The following CFAP299 variants were observed in gnomAD, a reference collection of about 807,000 sequenced individuals.
The protein encoded by CFAP299 is cilia- and flagella-associated protein 299.
CFAP299 carries 21 observed loss-of-function variants against 27.0 expected under a neutral mutation model. That is an observed-to-expected ratio of 0.78 (90% CI 0.55 to 1.12). The LOEUF is 1.12. Ranked by LOEUF, CFAP299 falls within the 50% of genes most tolerant of loss-of-function variation. The pLI is 0.00. For synonymous variants in CFAP299, 104 were observed against 98.1 expected (o/e 1.06, Z -0.36); for missense variants, 310 against 276.6 (o/e 1.12, Z -0.86).
rs750144147 is a variant in CFAP299, at chr4:80,508,910, G to C, written c.243-74183G>C. ...AACACAGCTCTCCAGACACCAGAAC[G>C]GGCCAAATGACAGACTGCCAACAGA... is the stretch of plus-strand genomic sequence containing the variant. On this transcript the variant is annotated intron_variant, in intron 2 of 5. Transcript: ENST00000358105. Among the ~76,000 whole-genome samples the C allele has an allele frequency of 3.9e-5, 6 of 152,092 alleles. No homozygotes were observed. In the South Asian group the frequency reaches 1.2e-3, roughly 32 times the overall value.
chr4:80,545,034 A>C (rs376878635), intron 2 of CFAP299, among the ~76,000 whole-genome samples: 22 of 152,236 alleles, frequency 1.4e-4, no homozygotes, highest in Admixed American at 2.6e-4. Context: ...CAATGCAATA[A>C]AAGTAGAAAT....
At chr4:80,392,199 A>G (rs1427733723) in intron 2 of CFAP299, among the ~76,000 whole-genome samples, 1 of 152,150 alleles carries the variant, frequency 6.6e-6, no homozygotes, top group African/African-American at 2.4e-5. Flanking sequence ...CTAACTTGCT[A>G]TTGATTTTAC....
intron 3 of CFAP299, among the ~76,000 whole-genome samples, chr4:80,843,479 T>C (rs1221733281): frequency 6.6e-6 from 1 of 152,144 alleles, no homozygotes; most frequent in African/African-American, 2.4e-5. Flanking sequence ...CAGTCTATCA[T>C]TGTTGGACAT....
intron 3 of CFAP299, among the ~76,000 whole-genome samples, chr4:80,627,804 G>A (rs1466006441): frequency 6.6e-6 from 1 of 151,684 alleles, no homozygotes; most frequent in African/African-American, 2.4e-5. Context: ...TACCCTAAAA[G>A]CCATAAAACA....
chr4:80,483,525 A>G (rs1251874334), intron 2 of CFAP299, among the ~76,000 whole-genome samples: 1 of 152,136 alleles, frequency 6.6e-6, no homozygotes, highest in Admixed American at 6.6e-5. Flanking sequence ...TATATCCATA[A>G]TCTTGTATAA....
chr4:80,534,130 A>G (rs1733609903), intron 2 of CFAP299, among the ~76,000 whole-genome samples: 1 of 151,904 alleles, frequency 6.6e-6, no homozygotes, highest in South Asian at 2.1e-4. Context: ...AAAAGTGATT[A>G]TTTCTGGGAG....
chr4:80,365,011 G>A (rs567824216), intron 2 of CFAP299, among the ~76,000 whole-genome samples: 1 of 152,256 alleles, frequency 6.6e-6, no homozygotes, highest in South Asian at 2.1e-4. Context: ...TATCATTGAT[G>A]AGCATTTGGG....
intron 3 of CFAP299, among the ~76,000 whole-genome samples, chr4:80,692,765 C>T (rs560414027): frequency 5.3e-5 from 8 of 152,180 alleles, no homozygotes; most frequent in South Asian, 4.2e-4. Flanking sequence ...AGGCAACCAA[C>T]AAAATGGGAG....
chr4:80,677,353 G>T (rs748441385), intron 3 of CFAP299, among the ~76,000 whole-genome samples: 1 of 151,698 alleles, frequency 6.6e-6, no homozygotes, highest in South Asian at 2.1e-4. Flanking sequence ...ATTTTCTGTT[G>T]TTTCTCCTAC....
At chr4:80,525,552 T>C (rs1244037786) in intron 2 of CFAP299, among the ~76,000 whole-genome samples, 1 of 152,194 alleles carries the variant, frequency 6.6e-6, no homozygotes, top group Non-Finnish European at 1.5e-5. Context: ...TTCCCACTCT[T>C]GTTTAAACTT....
At chr4:80,550,467 T>C (rs141504390) in intron 2 of CFAP299, among the ~76,000 whole-genome samples, 60 of 152,140 alleles carry the variant, frequency 3.9e-4, no homozygotes, top group Non-Finnish European at 7.2e-4. Flanking sequence ...AGACAAATTA[T>C]GCATTTTATA....
intron 3 of CFAP299, among the ~76,000 whole-genome samples, chr4:80,823,071 G>T (rs939317715): frequency 6.6e-6 from 1 of 152,148 alleles, no homozygotes; most frequent in African/African-American, 2.4e-5. Flanking sequence ...ATGACCTGAA[G>T]CTGGAAAAAA....
chr4:80,886,829 T>C (rs932424494), intron 4 of CFAP299, among the ~76,000 whole-genome samples: 4 of 152,076 alleles, frequency 2.6e-5, no homozygotes, highest in Admixed American at 1.3e-4. Context: ...AAATTCAAGA[T>C]AACCCAGAGA....
At chr4:80,745,963 A>G (rs1024290913) in intron 3 of CFAP299, among the ~76,000 whole-genome samples, 1 of 152,052 alleles carries the variant, frequency 6.6e-6, no homozygotes, top group African/African-American at 2.4e-5. Flanking sequence ...ATTCCAAGAA[A>G]TTCAATTTCT....
At chr4:80,844,402 C>A (rs1289776251) in intron 3 of CFAP299, among the ~76,000 whole-genome samples, 3 of 152,164 alleles carry the variant, frequency 2.0e-5, no homozygotes, top group Non-Finnish European at 4.4e-5. Context: ...TTTCCACATC[C>A]TCTCCAGCAC....
chr4:80,656,915 A>T (rs1740585690), intron 3 of CFAP299, among the ~76,000 whole-genome samples: 1 of 152,136 alleles, frequency 6.6e-6, no homozygotes, highest in East Asian at 1.9e-4. Context: ...AATGATCACC[A>T]TTCTAACTAG....
rs191581179 is a variant in CFAP299 at position 80,510,645 on chromosome 4, T to G, written c.243-72448T>G. Among the ~76,000 whole-genome samples the G allele has an allele frequency of 7.9e-5, 12 of 152,314 alleles. 1 individual carries two copies. Among genetic ancestry groups the G allele is most frequent in the Admixed American group, 6.5e-4 (10 of 15,290 alleles). Reference sequence around the variant, plus strand: ...CAGCCTCTGCTTCTAGGTACTCCTGTGTAAGCCAGTCATGAGTTAGTACAG... The same window carrying G: ...CAGCCTCTGCTTCTAGGTACTCCTGGGTAAGCCAGTCATGAGTTAGTACAG... On this transcript the variant is annotated intron_variant, in intron 2 of 5. Transcript: ENST00000358105.
intron 3 of CFAP299, among the ~76,000 whole-genome samples, chr4:80,666,157 T>C (rs1037364297): frequency 6.6e-6 from 1 of 152,174 alleles, no homozygotes; most frequent in Non-Finnish European, 1.5e-5. Context: ...TTGACAGTAT[T>C]CATCATTTAC....
At chr4:80,342,419 GA>G (rs1466465711) in intron 1 of CFAP299, among the ~76,000 whole-genome samples, 4 of 152,130 alleles carry the variant, frequency 2.6e-5, no homozygotes, top group Non-Finnish European at 5.9e-5. Context: ...CAGCCGCAGA[GA>G]AAGGCCAGGT....
Sources: gnomAD v4.1 joint callset for allele counts (sites outside exome capture counted in the v4.1 genomes callset) on GRCh38, gnomAD v4.1.1 for gene constraint, MANE v1.5 for transcripts, NCBI Gene and HGNC (gene_info 2026-07-23, HGNC 2026-07-21) for gene names.